PGBD1: variants seen among roughly 807,000 people sequenced by gnomAD.
PGBD1 encodes piggyBac transposable element derived 1.
PGBD1 carries 25 observed loss-of-function variants against 34.7 expected under a neutral mutation model. The observed-to-expected ratio is 0.72, with a 90% CI of 0.52 to 1.00. The LOEUF (loss-of-function observed/expected upper bound fraction) is 1.00. Ranked by LOEUF, PGBD1 falls within the 50% of genes least tolerant of loss-of-function variation. The pLI is 0.00. For missense variants in PGBD1, 830 were observed against 959.4 expected (o/e 0.87, Z 1.78); for synonymous variants, 292 against 335.7 (o/e 0.87, Z 1.42).
chr6:28,283,151 C>CT (rs1276013874), intron 1 of PGBD1, among the ~76,000 whole-genome samples: 1 of 152,214 alleles, frequency 6.6e-6, no homozygotes, highest in African/African-American at 2.4e-5. Flanking sequence ...CTCTGTATAG[C>CT]TAGCTTGGGC....
intron 3 of PGBD1, 80 bp from the exon 4 acceptor site, chr6:28,287,000 G>A (rs1197205487): frequency 1.9e-6 from 2 of 1,041,156 alleles, no homozygotes; most frequent in Non-Finnish European, 3.0e-6. Context: ...TAACATTTGG[G>A]GGAAAAGGCT....
At position 28,287,173 on chromosome 6, in the gene PGBD1, G is replaced by C. The variant is rs752539871; in HGVS notation, c.642+5G>C. 27 of 1,604,312 alleles carry C rather than the reference G, an allele frequency of 1.7e-5. No homozygotes were observed. In the Admixed American group the frequency reaches 4.3e-4, roughly 26 times the overall value. The stretch of plus-strand genomic sequence containing the variant: ...TTTAACCCAGTCAGGTCCCAGGTAA[G>C]TAGGATGCCCAAGCTTGTAGGAATA... On this transcript the variant is annotated splice_donor_5th_base_variant and intron_variant, in intron 4 of 6. Transcript: ENST00000682144.
chr6:28,297,028 G>C, intron 5 of PGBD1, 83 bp downstream of exon 5: 1 of 1,508,690 alleles, frequency 6.6e-7, no homozygotes. Flanking sequence ...GGGAGGCCAC[G>C]TTTCCTACAG....
intron 4 of PGBD1, among the ~76,000 whole-genome samples, chr6:28,291,135 A>C (rs1354670096): frequency 1.3e-5 from 2 of 151,084 alleles, no homozygotes; most frequent in Non-Finnish European, 3.0e-5. Context: ...AAAAAAAAAA[A>C]AAAAAAACCC....
Position 28,302,114 on chromosome 6 carries a change from A to G in PGBD1, c.2260A>G (p.Arg754Gly), listed in dbSNP as rs1393705290. The change falls in exon 7 of 7, where the codon AGA (arginine) becomes GGA (glycine). Residue 754 changes from arginine to glycine, a missense_variant. Coordinates refer to ENST00000682144, the MANE Select transcript of PGBD1 (RefSeq NM_032507.4). Reference protein sequence around the residue: ...QIISKYRVRIRSKKWYSILVS... With the variant: ...QIISKYRVRIGSKKWYSILVS... ...TATTTCGAAATACAGGGTGAGGATA[A>G]GAAGCAAGAAATGGTACTCAATTTT... The G allele has an allele frequency of 6.2e-7, 1 of 1,614,182 alleles. No individual in the cohort carries two copies.
At chr6:28,295,836 A>G (rs1452405706) in intron 4 of PGBD1, among the ~76,000 whole-genome samples, 5 of 152,176 alleles carry the variant, frequency 3.3e-5, no homozygotes, top group Non-Finnish European at 5.9e-5. Flanking sequence ...AGGTAGGCCT[A>G]TGTTTAAATG....
chr6:28,291,897 A>G (rs1232239997), intron 4 of PGBD1, among the ~76,000 whole-genome samples: 2 of 152,172 alleles, frequency 1.3e-5, no homozygotes, highest in Non-Finnish European at 2.9e-5. Context: ...GATAAAATTC[A>G]TTGCTTTTTG....
intron 5 of PGBD1, 142 bp downstream of exon 5, chr6:28,297,087 A>C: frequency 1.1e-6 from 1 of 872,396 alleles, no homozygotes; most frequent in South Asian, 1.8e-5. Flanking sequence ...CCAGACTTCT[A>C]GCCCTTATCA....
chr6:28,295,477 A>G (rs989318427), intron 4 of PGBD1, among the ~76,000 whole-genome samples: 2 of 152,188 alleles, frequency 1.3e-5, no homozygotes, highest in Admixed American at 6.5e-5. Flanking sequence ...AAGGTGGCCA[A>G]CATTACTGTT....
intron 4 of PGBD1, among the ~76,000 whole-genome samples, chr6:28,293,236 A>C (rs1164076833): frequency 2.0e-5 from 3 of 152,136 alleles, no homozygotes; most frequent in African/African-American, 4.8e-5. Context: ...CCACCACGCC[A>C]GGCCTCCCAT....
chr6:28,291,461 A>T (rs1327336349), intron 4 of PGBD1, among the ~76,000 whole-genome samples: 2 of 151,982 alleles, frequency 1.3e-5, no homozygotes, highest in Non-Finnish European at 2.9e-5. Flanking sequence ...AAAGTCTTCC[A>T]TCAAAGAAAA....
At position 28,284,038 on chromosome 6, in the gene PGBD1, G is replaced by C; in HGVS notation, c.225G>C (p.Pro75=). The C allele has an allele frequency of 6.2e-7, 1 of 1,614,104 alleles. No homozygotes were observed. The highest frequency in any genetic ancestry group is 8.5e-7 in the Non-Finnish European group (1 of 1,180,002). ...AACTTTGTCATCAATGGCTGAGACC[G>C]GAGATGCACACCAAGGAACAGATAA... ...LRELCHQWLR[P]EMHTKEQIME... The change falls in exon 2 of 7, where the codon CCG becomes CCC. Residue 75 remains proline, a synonymous_variant. Coordinates refer to ENST00000682144, the MANE Select transcript of PGBD1 (RefSeq NM_032507.4).
In PGBD1 at chr6:28,300,538, A is replaced by G. The variant is rs1020864051; in HGVS notation, c.870-186A>G. 6.6e-6 allele frequency among the ~76,000 whole-genome samples: 1 copy of G among 152,180 alleles called. No individual in the cohort carries two copies. Among genetic ancestry groups the G allele is most frequent in the Non-Finnish European group, 1.5e-5 (1 of 68,032 alleles). ...TTAGTTCCATCCTGAGGAGTGAGTG[A>G]GAGGTGGAGAGTGGCTAGAAATGTT... On this transcript the variant is annotated intron_variant, in intron 6 of 6. Transcript: ENST00000682144. The surrounding 1 kb of genome is among the most constrained non-coding windows in gnomAD (Gnocchi z 4.0).
Position 28,300,882 on chromosome 6 carries a change from G to GA in PGBD1, c.1035dup (p.Asp346ArgfsTer7). On this transcript the variant is annotated frameshift_variant, in exon 7 of 7. Transcript: ENST00000682144. LOFTEE classifies it low-confidence loss of function (END_TRUNC). This position sits in a 1 kb window ranked among gnomAD's most constrained non-coding sequence, Gnocchi z 4.0. ...GCAGGAGACATTACCCGAAAAGGGA[G>GA]AAAAAAAGACAAAGCTCGAGTGAGT... The GA allele has an allele frequency of 1.2e-6, 2 of 1,613,992 alleles. No homozygotes were observed. Among genetic ancestry groups the GA allele is most frequent in the Non-Finnish European group, 1.7e-6 (2 of 1,179,960 alleles).
At chr6:28,291,550 C>CAA (rs56160771) in intron 4 of PGBD1, among the ~76,000 whole-genome samples, 11,896 of 120,426 alleles carry the variant, frequency 0.099, 648 homozygotes, top group African/African-American at 0.15. Flanking sequence ...TCAAATTCTT[C>CAA]AAAAAAAAAA....
Position 28,300,015 on chromosome 6 carries a change from A to T in PGBD1, c.870-709A>T, listed in dbSNP as rs1489058796. On this transcript the variant is annotated intron_variant, in intron 6 of 6. Coordinates refer to ENST00000682144, the MANE Select transcript of PGBD1 (RefSeq NM_032507.4). The surrounding 1 kb of genome is among the most constrained non-coding windows in gnomAD (Gnocchi z 4.0). ...GACTCTGTCTCAAAAAAAAAAAAAAACAAAACAAAACTTTTCATCTTTGTA... is the reference window on the plus strand; with the variant it reads ...GACTCTGTCTCAAAAAAAAAAAAAATCAAAACAAAACTTTTCATCTTTGTA... Among the ~76,000 whole-genome samples the T allele has an allele frequency of 6.6e-6, 1 of 151,548 alleles. No homozygotes were observed. The highest frequency in any genetic ancestry group is 2.4e-5 in the African/African-American group (1 of 41,216).
intron 4 of PGBD1, among the ~76,000 whole-genome samples, chr6:28,293,678 G>A (rs1484267818): frequency 6.6e-6 from 1 of 152,196 alleles, no homozygotes; most frequent in Non-Finnish European, 1.5e-5. Flanking sequence ...TCTGTGATCA[G>A]TTATTTTTGA....
chr6:28,292,695 G>A (rs999911788), intron 4 of PGBD1, among the ~76,000 whole-genome samples: 114 of 151,874 alleles, frequency 7.5e-4, no homozygotes, highest in African/African-American at 2.5e-3. Context: ...TTCATGTGGT[G>A]AGCCCTTAAT....
intron 4 of PGBD1, 34 bp from the exon 5 acceptor site, chr6:28,296,782 A>G: frequency 1.9e-6 from 3 of 1,612,236 alleles, no homozygotes; most frequent in Non-Finnish European, 2.5e-6. Context: ...CCATGTGAAA[A>G]CAAAGAGGCT....
Sources: gnomAD v4.1 joint callset for allele counts (sites outside exome capture counted in the v4.1 genomes callset) on GRCh38, gnomAD v4.1.1 for gene constraint, Gnocchi (gnomAD v3.1) non-coding constraint, MANE v1.5 for transcripts, NCBI Gene and HGNC (gene_info 2026-07-23, HGNC 2026-07-21) for gene names.